AUTS2: variants seen among roughly 807,000 people sequenced by gnomAD.
AUTS2 encodes the protein activator of transcription and developmental regulator AUTS2.
AUTS2 carries 17 observed loss-of-function variants against 112.4 expected under a neutral mutation model. The observed-to-expected ratio is 0.15, with a 90% CI of 0.10 to 0.23. AUTS2 has a LOEUF of 0.23. Ranked by LOEUF, AUTS2 falls within the 10% of genes least tolerant of loss-of-function variation. The probability of loss-of-function intolerance (pLI) is 1.00; values close to 1 mark genes in which losing one functional copy is unlikely to be tolerated. For missense variants in AUTS2, 1,510 were observed against 1,701.6 expected, an observed-to-expected ratio of 0.89 and a Z score of 1.98; for synonymous variants, 751 against 702.7, an observed-to-expected ratio of 1.07 and a Z score of -1.09.
intron 2 of AUTS2, among the ~76,000 whole-genome samples, chr7:70,027,458 A>C (rs1375868908): frequency 6.6e-6 from 1 of 152,146 alleles, no homozygotes; most frequent in Non-Finnish European, 1.5e-5. Flanking sequence ...GTCTTCATCC[A>C]GCCCCTATGT....
chr7:70,236,173 A>G (rs1388723948), intron 4 of AUTS2, among the ~76,000 whole-genome samples: 1 of 152,220 alleles, frequency 6.6e-6, no homozygotes, highest in Non-Finnish European at 1.5e-5. Flanking sequence ...CTCAGTAAGT[A>G]TTATTGAATG....
intron 2 of AUTS2, among the ~76,000 whole-genome samples, chr7:70,029,581 T>A (rs1800682940): frequency 6.6e-6 from 1 of 152,168 alleles, no homozygotes; most frequent in Admixed American, 6.5e-5. Context: ...TCTGAGACAA[T>A]AATGTAATTC....
intron 6 of AUTS2, among the ~76,000 whole-genome samples, chr7:70,751,940 G>T (rs1316638222): frequency 6.6e-6 from 1 of 151,830 alleles, no homozygotes; most frequent in Non-Finnish European, 1.5e-5. Flanking sequence ...GGCCAGGGTG[G>T]TCTTGAACTC....
intron 6 of AUTS2, among the ~76,000 whole-genome samples, chr7:70,724,237 A>C (rs12666137): frequency 6.6e-6 from 1 of 151,926 alleles, no homozygotes; most frequent in Non-Finnish European, 1.5e-5. Flanking sequence ...TTTTGCAGGC[A>C]CATATATACC....
At chr7:70,356,906 T>A (rs1038942716) in intron 4 of AUTS2, among the ~76,000 whole-genome samples, 1 of 152,182 alleles carries the variant, frequency 6.6e-6, no homozygotes, top group Non-Finnish European at 1.5e-5. Context: ...AGTTCCTTAG[T>A]AGAATTTCAC....
chr7:70,456,655 G>A (rs1796751709), intron 5 of AUTS2, among the ~76,000 whole-genome samples: 2 of 152,220 alleles, frequency 1.3e-5, no homozygotes, highest in Non-Finnish European at 2.9e-5. Context: ...GGATCTAGGT[G>A]TCCACCCATA....
At chr7:70,620,547 G>C (rs1342028619) in intron 5 of AUTS2, among the ~76,000 whole-genome samples, 1 of 152,108 alleles carries the variant, frequency 6.6e-6, no homozygotes, top group Non-Finnish European at 1.5e-5. Flanking sequence ...CCCAGGGCTT[G>C]GGTTGTAAAA....
chr7:70,108,808 A>AG (rs1308540865), intron 2 of AUTS2, among the ~76,000 whole-genome samples: 2 of 140,804 alleles, frequency 1.4e-5, no homozygotes, highest in African/African-American at 5.3e-5. Flanking sequence ...AAAAAAAAAA[A>AG]AAAAAATAGC....
intron 2 of AUTS2, among the ~76,000 whole-genome samples, chr7:70,044,519 T>C (rs931664900): frequency 6.6e-6 from 1 of 152,182 alleles, no homozygotes; most frequent in Non-Finnish European, 1.5e-5. Context: ...TGTGTTAGAT[T>C]CTGTTTGTAC....
chr7:70,071,186 G>T (rs1046504950), intron 2 of AUTS2, among the ~76,000 whole-genome samples: 4 of 152,062 alleles, frequency 2.6e-5, no homozygotes, highest in African/African-American at 9.7e-5. Flanking sequence ...ATTCCATTTG[G>T]GAATTCTGAC....
At chr7:70,179,728 A>G (rs1809196509) in intron 4 of AUTS2, among the ~76,000 whole-genome samples, 1 of 152,178 alleles carries the variant, frequency 6.6e-6, no homozygotes, top group Non-Finnish European at 1.5e-5. Flanking sequence ...TCTAGAGGGA[A>G]TTATAGGACT....
At chr7:69,978,859 A>AGC (rs1798165437) in intron 2 of AUTS2, among the ~76,000 whole-genome samples, 1 of 129,644 alleles carries the variant, frequency 7.7e-6, no homozygotes, top group Non-Finnish European at 1.6e-5. Flanking sequence ...TCAAAGAAAC[A>AGC]ACACACACAC....
chr7:70,204,254 G>A (rs1195317979), intron 4 of AUTS2, among the ~76,000 whole-genome samples: 5 of 152,128 alleles, frequency 3.3e-5, no homozygotes, highest in Non-Finnish European at 1.5e-5. Context: ...TATATATTCA[G>A]TATTTTAACC....
chr7:70,471,645 A>G (rs1171406409), intron 5 of AUTS2, among the ~76,000 whole-genome samples: 1 of 152,134 alleles, frequency 6.6e-6, no homozygotes, highest in African/African-American at 2.4e-5. Flanking sequence ...AGAGATAGAC[A>G]AAAACGTTTA....
At chr7:70,615,531 G>C (rs1804310815) in intron 5 of AUTS2, among the ~76,000 whole-genome samples, 1 of 149,084 alleles carries the variant, frequency 6.7e-6, no homozygotes, top group African/African-American at 2.5e-5. Flanking sequence ...TGACTTTCAG[G>C]CTTAGAAAAA....
chr7:70,245,144 G>GTATATATATATATATATATA (rs71077638), intron 4 of AUTS2, among the ~76,000 whole-genome samples: 7 of 108,996 alleles, frequency 6.4e-5, no homozygotes, highest in African/African-American at 2.9e-4. Flanking sequence ...GTGTGTGTGT[G>GTATATATATATATATATATA]TATATATATA....
chr7:70,692,716 T>TA (rs1808817201), intron 5 of AUTS2, among the ~76,000 whole-genome samples: 1 of 150,988 alleles, frequency 6.6e-6, no homozygotes, highest in African/African-American at 2.4e-5. Context: ...TTTCCAAACT[T>TA]AGAGGCTAGA....
intron 4 of AUTS2, among the ~76,000 whole-genome samples, chr7:70,189,018 A>G (rs548213712): frequency 6.6e-6 from 1 of 152,272 alleles, no homozygotes; most frequent in African/African-American, 2.4e-5. Flanking sequence ...GAATTACGCC[A>G]AGAACAGCCA....
In AUTS2 at chr7:70,104,990, C is replaced by T. The variant is rs573973433; in HGVS notation, c.523-13142C>T. 4.6e-5 allele frequency among the ~76,000 whole-genome samples: 7 copies of T among 152,230 alleles called. No individual in the cohort carries two copies. In the South Asian group the frequency reaches 6.2e-4, roughly 14 times the overall value. On this transcript the variant is annotated intron_variant, in intron 2 of 18. Coordinates refer to ENST00000342771, the MANE Select transcript of AUTS2 (RefSeq NM_015570.4). ...ATTCAACATCAAAACAGAATTTAGA[C>T]ATTTAGAGGAATGAAGGACAGCTTA...
Sources: allele counts gnomAD v4.1 joint callset (sites outside exome capture counted in the v4.1 genomes callset), GRCh38; gene constraint gnomAD v4.1.1; transcripts MANE v1.5; gene names NCBI Gene and HGNC (gene_info 2026-07-23, HGNC 2026-07-21).